Variants in EXOC4 observed in about 807,000 individuals in gnomAD.
EXOC4 encodes SEC8-like 1.
Under a neutral mutation model 107.2 loss-of-function variants are expected in EXOC4, and 71 were observed. The observed-to-expected ratio is 0.66, with a 90% confidence interval of 0.55 to 0.81. The LOEUF is 0.81. Among genes scored for constraint, EXOC4 ranks in the 30% least tolerant of loss-of-function variants. The probability of loss-of-function intolerance (pLI) is 0.00; values close to 1 mark genes in which losing one functional copy is unlikely to be tolerated. For synonymous variants in EXOC4, 456 were observed against 441.2 expected, an observed-to-expected ratio of 1.03 and a Z score of -0.42; for missense variants, 1,108 against 1,189.6, an observed-to-expected ratio of 0.93 and a Z score of 1.01.
chr7:133,409,373 A>C (rs185167003), intron 7 of EXOC4, among the ~76,000 whole-genome samples: 2 of 152,210 alleles, frequency 1.3e-5, no homozygotes, highest in East Asian at 3.8e-4. Context: ...GCTACATGCT[A>C]TAAGCACAGT....
chr7:133,544,619 G>A (rs182077249), intron 9 of EXOC4, among the ~76,000 whole-genome samples: 4 of 152,102 alleles, frequency 2.6e-5, no homozygotes, highest in African/African-American at 7.2e-5. Flanking sequence ...CTCCAATACT[G>A]TCATACTGTC....
chr7:133,588,865 G>A (rs1801469743), intron 9 of EXOC4, among the ~76,000 whole-genome samples: 1 of 151,890 alleles, frequency 6.6e-6, no homozygotes, highest in Non-Finnish European at 1.5e-5. Flanking sequence ...CGACAAGAGT[G>A]AAACTCAGTC....
chr7:133,806,230 G>A (rs1045291833), intron 10 of EXOC4, among the ~76,000 whole-genome samples: 4 of 152,342 alleles, frequency 2.6e-5, no homozygotes, highest in Middle Eastern at 3.4e-3. Context: ...TCTTGCATGA[G>A]TAGCAAGGCT....
At chr7:133,772,737 G>T (rs1312147714) in intron 10 of EXOC4, among the ~76,000 whole-genome samples, 1 of 151,962 alleles carries the variant, frequency 6.6e-6, no homozygotes, top group Non-Finnish European at 1.5e-5. Flanking sequence ...ATTTTGGTCT[G>T]CAAACAAGGA....
chr7:133,866,988 A>G (rs1313248939), intron 11 of EXOC4, among the ~76,000 whole-genome samples: 1 of 152,190 alleles, frequency 6.6e-6, no homozygotes, highest in Admixed American at 6.5e-5. Context: ...AAGTCCCTTC[A>G]GGAGATTTGA....
chr7:134,097,335 C>A, the EXOC4 span, among the ~76,000 whole-genome samples: 1 of 150,886 alleles, frequency 6.6e-6, no homozygotes, highest in East Asian at 1.9e-4. Context: ...AAACATTACC[C>A]AATTTAAGGT....
chr7:133,943,404 A>G (rs1406152929), intron 14 of EXOC4, among the ~76,000 whole-genome samples: 1 of 152,216 alleles, frequency 6.6e-6, no homozygotes, highest in Non-Finnish European at 1.5e-5. Flanking sequence ...AGGTTTTGTG[A>G]TCAAATAGAC....
intron 10 of EXOC4, among the ~76,000 whole-genome samples, chr7:133,760,464 TA>T (rs1796010386): frequency 1.3e-5 from 2 of 152,158 alleles, no homozygotes; most frequent in African/African-American, 2.4e-5. Flanking sequence ...TCACTGGCTA[TA>T]AAATCAACTT....
intron 9 of EXOC4, among the ~76,000 whole-genome samples, chr7:133,587,426 A>T (rs1801432486): frequency 6.6e-6 from 1 of 152,160 alleles, no homozygotes; most frequent in Non-Finnish European, 1.5e-5. Context: ...TGAAAACTGG[A>T]ACTATGGGGA....
intron 17 of EXOC4, among the ~76,000 whole-genome samples, chr7:134,021,583 A>G (rs1795029036): frequency 6.6e-6 from 1 of 152,116 alleles, no homozygotes; most frequent in South Asian, 2.1e-4. Flanking sequence ...AGGCATTCTT[A>G]ATCTCCGTGT....
intron 10 of EXOC4, among the ~76,000 whole-genome samples, chr7:133,707,982 A>G (rs1055617497): frequency 6.6e-6 from 1 of 152,168 alleles, no homozygotes; most frequent in South Asian, 2.1e-4. Context: ...TACTTAGATA[A>G]TGGAATGATA....
chr7:133,843,092 G>T (rs1415481806), intron 11 of EXOC4, among the ~76,000 whole-genome samples: 5 of 152,108 alleles, frequency 3.3e-5, no homozygotes, highest in Admixed American at 2.6e-4. Context: ...TTTGAAGTTG[G>T]GTATTGTGAT....
chr7:133,623,077 C>G (rs1802371817), intron 9 of EXOC4, among the ~76,000 whole-genome samples: 1 of 152,130 alleles, frequency 6.6e-6, no homozygotes, highest in African/African-American at 2.4e-5. Flanking sequence ...AAGGATTCAG[C>G]AAAGTGCCAG....
chr7:133,454,429 T>A (rs944514358), intron 7 of EXOC4, among the ~76,000 whole-genome samples: 3 of 152,180 alleles, frequency 2.0e-5, no homozygotes, highest in Non-Finnish European at 2.9e-5. Flanking sequence ...CCCAAGTAGC[T>A]GGGATTACAG....
At chr7:133,945,007 C>T (rs954596302) in intron 14 of EXOC4, among the ~76,000 whole-genome samples, 1 of 152,160 alleles carries the variant, frequency 6.6e-6, no homozygotes, top group Non-Finnish European at 1.5e-5. Context: ...AAAACCCATT[C>T]ACAAGTGGAA....
At chr7:133,290,245 A>C (rs539015940) in intron 3 of EXOC4, among the ~76,000 whole-genome samples, 1 of 152,198 alleles carries the variant, frequency 6.6e-6, no homozygotes, top group Non-Finnish European at 1.5e-5. Flanking sequence ...GCAGTGAGTC[A>C]TGATCAGGTC....
chr7:133,530,443 G>T (rs1800160678), intron 9 of EXOC4, among the ~76,000 whole-genome samples: 1 of 152,116 alleles, frequency 6.6e-6, no homozygotes, highest in African/African-American at 2.4e-5. Flanking sequence ...GCACACACCT[G>T]TACAGCATGT....
chr7:133,898,653 G>A (rs1799377294), intron 12 of EXOC4, among the ~76,000 whole-genome samples: 1 of 151,292 alleles, frequency 6.6e-6, no homozygotes, highest in South Asian at 2.1e-4. Context: ...GGCTGAGGCA[G>A]GAGAATGGCA....
chr7:133,428,786 G>A (rs908181409), intron 7 of EXOC4, among the ~76,000 whole-genome samples: 5 of 152,190 alleles, frequency 3.3e-5, no homozygotes, highest in African/African-American at 1.2e-4. Flanking sequence ...TATTGTAGAT[G>A]TTAGATTTTG....
Sources: allele counts gnomAD v4.1 joint callset (sites outside exome capture counted in the v4.1 genomes callset), GRCh38; gene constraint gnomAD v4.1.1; transcripts MANE v1.5; gene names NCBI Gene and HGNC (gene_info 2026-07-23, HGNC 2026-07-21).